The following RPS3A variants were observed in gnomAD, a reference collection of about 807,000 sequenced individuals.
RPS3A encodes ribosomal protein S3A, also known as small ribosomal subunit protein eS1.
Under a neutral mutation model 26.4 loss-of-function variants are expected in RPS3A, and 1 was observed. The ratio of observed to expected loss-of-function variants is 0.04; its 90% CI spans 0.01 to 0.18. The LOEUF is 0.18. Among genes scored for constraint, RPS3A ranks in the 10% least tolerant of loss-of-function variants. The pLI, the probability that RPS3A is intolerant of heterozygous loss-of-function variation, is 1.00. For missense variants in RPS3A, 139 were observed against 326.8 expected (o/e 0.43, Z 4.43); for synonymous variants, 97 against 106.1 (o/e 0.91, Z 0.53).
chr4:151,100,622 A>T (rs1176906290), intron 2 of RPS3A, 34 bp downstream of exon 2: 3 of 1,270,134 alleles, frequency 2.4e-6, no homozygotes, highest in South Asian at 2.4e-5. Flanking sequence ...TATTTTCCTT[A>T]AGTTGGCGCT....
chr4:151,103,958 T>C, intron 4 of RPS3A: 2 of 1,520,528 alleles, frequency 1.3e-6, no homozygotes, highest in Non-Finnish European at 1.8e-6. Flanking sequence ...CTCAGAAGAC[T>C]CTACTAACTT....
chr4:151,103,788 C>T, intron 4 of RPS3A: 4 of 1,342,582 alleles, frequency 3.0e-6, no homozygotes, highest in Non-Finnish European at 3.9e-6. Context: ...AAAAAATACA[C>T]TGAATAGACA....
chr4:151,100,047 C>T (rs1747049792), intron 1 of RPS3A: 3 of 578,384 alleles, frequency 5.2e-6, no homozygotes, highest in South Asian at 1.5e-5. Context: ...AGGAAAGCAC[C>T]CTTCTATCCA....
chr4:151,104,478 A>G lies in RPS3A; in HGVS notation c.680A>G (p.Lys227Arg). The change falls in exon 6 of 6, where the codon AAG becomes AGG. Residue 227 changes from lysine to arginine, a missense_variant. Physicochemically the swap from Lys to Arg is conservative, Grantham distance 26. Coordinates refer to ENST00000274065, the MANE Select transcript of RPS3A (RefSeq NM_001006.5). ...TTTTTTTTTTGCCTTTTAGTGGGAA[A>G]GCTCATGGAGCTTCATGGTGAAGGC... ...MLKKPKFELG[K>R]LMELHGEGSS... The G allele has an allele frequency of 2.1e-5, 16 of 756,430 alleles. No individual in the cohort carries two copies. Among genetic ancestry groups the G allele is most frequent in the Non-Finnish European group, 3.1e-5 (16 of 517,418 alleles). 46.9% of individuals were successfully genotyped at this position (756,430 alleles called of 1,614,324 possible). A position where few individuals can be genotyped will look rare whatever the true frequency, so the allele number is the denominator to read the frequency against.
chr4:151,103,430 A>G (rs1747217973), intron 4 of RPS3A: 1 of 833,900 alleles, frequency 1.2e-6, no homozygotes. Context: ...ATTTTTTTAA[A>G]TTTTTAGTAG....
intron 1 of RPS3A, chr4:151,100,100 T>C: frequency 1.9e-6 from 1 of 521,848 alleles, no homozygotes; most frequent in Non-Finnish European, 3.7e-6. Flanking sequence ...CCCGCTGGAA[T>C]CTGCGAGCTC....
intron 3 of RPS3A, among the ~76,000 whole-genome samples, chr4:151,101,615 T>G (rs988373345): frequency 1.3e-5 from 2 of 152,222 alleles, no homozygotes; most frequent in African/African-American, 4.8e-5. Flanking sequence ...TAACTTGTTT[T>G]CTAAGCCTCG....
At chr4:151,100,385 C>T (rs1176416530) in intron 1 of RPS3A, 100 bp from the exon 2 acceptor site, 5 of 692,202 alleles carry the variant, frequency 7.2e-6, no homozygotes, top group East Asian at 2.6e-5. Context: ...ATCAAATTGC[C>T]GGTTAGCTTT....
intron 3 of RPS3A, among the ~76,000 whole-genome samples, chr4:151,101,880 C>G (rs559448717): frequency 2.1e-4 from 32 of 152,052 alleles, no homozygotes; most frequent in Admixed American, 1.7e-3. Flanking sequence ...TTACAGGCAC[C>G]CGCCACCACG....
chr4:151,103,995 A>T, intron 4 of RPS3A, 182 bp from the exon 5 acceptor site: 1 of 1,512,604 alleles, frequency 6.6e-7, no homozygotes, highest in Non-Finnish European at 8.9e-7. Context: ...TGTAATTCAG[A>T]TCATCTATCC....
In RPS3A at chr4:151,099,689, G is replaced by T; in HGVS notation, c.37G>T (p.Gly13Cys). The T allele has an allele frequency of 6.2e-7, 1 of 1,613,880 alleles. No homozygotes were observed. Among genetic ancestry groups the T allele is most frequent in the Non-Finnish European group, 8.5e-7 (1 of 1,179,890 alleles). Reference sequence around the variant, plus strand: ...CAAGAACAAGCGCCTTACGAAAGGCGGCAAAAAGGGAGCCAAGAAGAAAGT... The same window carrying T: ...CAAGAACAAGCGCCTTACGAAAGGCTGCAAAAAGGGAGCCAAGAAGAAAGT... ...VGKNKRLTKG[G>C]KKGAKKKVVD... The change falls in exon 1 of 6, where the codon GGC (glycine) becomes TGC (cysteine). Residue 13 changes from glycine to cysteine, a missense_variant. Around this residue, in one of 3 missense-constraint regions of RPS3A, gnomAD observed 35 missense variants for 60.1 expected, o/e 0.58. Transcript: ENST00000274065.
At chr4:151,101,283 C>A in intron 3 of RPS3A, 121 bp downstream of exon 3, 1 of 571,098 alleles carries the variant, frequency 1.8e-6, no homozygotes, top group Non-Finnish European at 2.8e-6. Context: ...GAAATGTCCA[C>A]AAAGTTCATT....
At chr4:151,103,220 A>G (rs1388492923) in intron 4 of RPS3A, 141 bp downstream of exon 4, 18 of 1,381,336 alleles carry the variant, frequency 1.3e-5, no homozygotes, top group East Asian at 2.5e-5. Context: ...TTTAAGTGAA[A>G]GAGTGTTAAG....
chr4:151,100,119 C>T (rs565860118), intron 1 of RPS3A, among the ~76,000 whole-genome samples: 1 of 152,326 alleles, frequency 6.6e-6, no homozygotes, highest in Non-Finnish European at 1.5e-5. Context: ...TCCTGCTAAG[C>T]TTTGGGGCCA....
chr4:151,100,412 A>C, intron 1 of RPS3A, 73 bp from the exon 2 acceptor site: 1 of 845,948 alleles, frequency 1.2e-6, no homozygotes, highest in Non-Finnish European at 2.0e-6. Flanking sequence ...TATTAATGGG[A>C]AATACCATTA....
At chr4:151,101,979 C>G (rs768793514) in intron 3 of RPS3A, 1 of 477,602 alleles carries the variant, frequency 2.1e-6, no homozygotes, top group Non-Finnish European at 4.1e-6. Flanking sequence ...GTGATCTGCC[C>G]GCCTCAGCCT....
At chr4:151,103,833 T>C (rs752394392) in intron 4 of RPS3A, 3 of 1,376,728 alleles carry the variant, frequency 2.2e-6, no homozygotes, top group Non-Finnish European at 2.9e-6. Context: ...CGGGAATAAG[T>C]GATGAAAAAA....
In RPS3A at chr4:151,101,173, A is replaced by C. The variant is rs765272575; in HGVS notation, c.354+11A>C. 1.8e-5 allele frequency: 29 copies of C among 1,590,036 alleles called. No homozygotes were observed. In the South Asian group the frequency reaches 3.2e-4, roughly 18 times the overall value. On this transcript the variant is annotated intron_variant, in intron 3 of 5. Coordinates refer to ENST00000274065, the MANE Select transcript of RPS3A (RefSeq NM_001006.5). ...GTCAAAAAATGGCAGGTGAGACCCA[A>C]AGTTCCTTAGAGTGGTTGTGCTATG...
intron 3 of RPS3A, 150 bp from the exon 4 acceptor site, chr4:151,102,721 A>G (rs1747183986): frequency 3.1e-6 from 3 of 966,460 alleles, no homozygotes; most frequent in Non-Finnish European, 3.0e-6. Flanking sequence ...CAAGGAAGTT[A>G]ATTCTGTAAA....
Sources: gnomAD v4.1 joint callset for allele counts (sites outside exome capture counted in the v4.1 genomes callset) on GRCh38, gnomAD v4.1.1 for gene constraint, gnomAD v4.1.1 regional missense constraint, MANE v1.5 for transcripts, NCBI Gene and HGNC (gene_info 2026-07-23, HGNC 2026-07-21) for gene names.